The following TERF2 variants were observed in gnomAD, a reference collection of about 807,000 sequenced individuals.
The protein encoded by TERF2 is telomeric repeat binding factor 2.
In TERF2, 16 loss-of-function variants were observed where a neutral mutation model predicts 56.1. The ratio of observed to expected loss-of-function variants is 0.29; its 90% CI spans 0.19 to 0.43. The LOEUF is 0.43. Among genes scored for constraint, TERF2 ranks in the 20% least tolerant of loss-of-function variants. TERF2 has a pLI of 1.00. For missense variants in TERF2, 547 were observed against 712.9 expected, an observed-to-expected ratio of 0.77 and a Z score of 2.65; for synonymous variants, 296 against 282.1, an observed-to-expected ratio of 1.05 and a Z score of -0.50.
chr16:69,357,070 C>G lies in TERF2; in HGVS notation c.1471-14G>C, dbSNP rs2012933261. 1 of 1,600,468 alleles carries G rather than the reference C, an allele frequency of 6.2e-7. No individual in the cohort carries two copies. Reference sequence around the variant, plus strand: ...TACAGTCCACTTCTGCAAAAGAAAACCAAAAGATTTATTACCACCTTTCCT... The same window carrying G: ...TACAGTCCACTTCTGCAAAAGAAAAGCAAAAGATTTATTACCACCTTTCCT... On this transcript the variant is annotated splice_polypyrimidine_tract_variant and intron_variant, in intron 9 of 9. Transcript: ENST00000254942.
In TERF2 at chr16:69,385,846, C is replaced by A; in HGVS notation, c.126G>T (p.Thr42=). ...CGCTACTCCCGCCTCCTCCCGCCAT[C>A]GTGTCCGATCGCCGCGCGCCCTCCC... ...EGGEGARRSD[T]MAGGGGSSDG... is the part of the protein sequence containing the mutation. Residue 42 remains threonine, a synonymous_variant, in exon 1 of 10, where the codon ACG becomes ACT. Transcript: ENST00000254942. The A allele has an allele frequency of 1.1e-5, 15 of 1,364,548 alleles. No individual in the cohort carries two copies. The highest frequency in any genetic ancestry group is 1.4e-5 in the Non-Finnish European group (15 of 1,056,280). 84.5% of individuals were successfully genotyped at this position (1,364,548 alleles called of 1,614,324 possible).
chr16:69,384,151 G>C (rs1190625649), intron 3 of TERF2, among the ~76,000 whole-genome samples: 1 of 152,252 alleles, frequency 6.6e-6, no homozygotes, highest in South Asian at 2.1e-4. Flanking sequence ...CTGTTCAAAA[G>C]GGATATTCTC....
chr16:69,365,178 G>A (rs1420782416), intron 7 of TERF2: 1 of 152,212 alleles, frequency 6.6e-6, no homozygotes, highest in African/African-American at 2.4e-5. Flanking sequence ...CTGTTCCCGG[G>A]AGCAATACCT....
At chr16:69,373,307 A>C (rs2013645799) in intron 3 of TERF2, among the ~76,000 whole-genome samples, 1 of 152,170 alleles carries the variant, frequency 6.6e-6, no homozygotes, top group Admixed American at 6.5e-5. Flanking sequence ...CACAGAGAGA[A>C]AGTAGAGTCC....
intron 5 of TERF2, 127 bp from the exon 6 acceptor site, chr16:69,368,609 G>T (rs1343966001): frequency 1.3e-6 from 2 of 1,541,294 alleles, no homozygotes; most frequent in East Asian, 4.8e-5. Context: ...GGCATAAAAC[G>T]AAGGACATAA....
intron 3 of TERF2, among the ~76,000 whole-genome samples, chr16:69,372,602 A>G (rs184278760): frequency 6.6e-6 from 1 of 152,182 alleles, no homozygotes; most frequent in African/African-American, 2.4e-5. Flanking sequence ...ATCTCTACTA[A>G]AAATACAAAA....
chr16:69,374,579 T>C (rs945807381), intron 3 of TERF2, among the ~76,000 whole-genome samples: 1 of 131,094 alleles, frequency 7.6e-6, no homozygotes, highest in Admixed American at 9.1e-5. Context: ...GCTATGATCA[T>C]GCCACTGCAC....
chr16:69,378,422 C>T lies in TERF2; in HGVS notation c.607-6067G>A, dbSNP rs74027311. Among the ~76,000 whole-genome samples the T allele has an allele frequency of 6.4e-3, 971 of 152,266 alleles. 4 individuals are homozygous for T. Among genetic ancestry groups the T allele is most frequent in the African/African-American group, 0.02 (828 of 41,546 alleles). On this transcript the variant is annotated intron_variant, in intron 3 of 9. Transcript: ENST00000254942. Reference sequence around the variant, plus strand: ...GTCATTGCTAGGCAGCTGCTGCCACCAGGATAGTATTGCCTGGGGGCCAGG... The same window carrying T: ...GTCATTGCTAGGCAGCTGCTGCCACTAGGATAGTATTGCCTGGGGGCCAGG...
At chr16:69,370,203 A>C (rs1223149208) in intron 5 of TERF2, 1 of 404,468 alleles carries the variant, frequency 2.5e-6, no homozygotes, top group African/African-American at 2.0e-5. Context: ...GCTAATTTTT[A>C]TATTTTTAGT....
chr16:69,367,422 T>C (rs1310622102), intron 6 of TERF2, among the ~76,000 whole-genome samples: 4 of 152,130 alleles, frequency 2.6e-5, no homozygotes, highest in Non-Finnish European at 5.9e-5. Context: ...AGACAGTAGA[T>C]AGGACAGAGA....
Position 69,367,003 on chromosome 16 carries a change from C to A in TERF2, c.1144G>T (p.Ala382Ser), listed in dbSNP as rs561334865. 2 of 1,614,244 alleles carry A rather than the reference C, an allele frequency of 1.2e-6. No individual in the cohort carries two copies. Among genetic ancestry groups the A allele is most frequent in the African/African-American group, 1.3e-5 (1 of 75,066 alleles). Residue 382 changes from alanine (A) to serine (S), a missense_variant, in exon 7 of 10, where the codon GCC (alanine) becomes TCC (serine). Around this residue, in one of 6 missense-constraint regions of TERF2, gnomAD observed 211 missense variants for 236.8 expected, o/e 0.89. Transcript: ENST00000254942. Reference sequence around the variant, plus strand: ...GAGCCACCCTCACCGTCAGCCGGGGCTGAACTTTCGTTTTCATCTTTTCTG... The same window carrying A: ...GAGCCACCCTCACCGTCAGCCGGGGATGAACTTTCGTTTTCATCTTTTCTG... ...RPRKDENESS[A>S]PADGEGGSEL...
chr16:69,362,750 G>A (rs909432142), intron 7 of TERF2, among the ~76,000 whole-genome samples: 8 of 152,184 alleles, frequency 5.3e-5, no homozygotes, highest in African/African-American at 1.9e-4. Flanking sequence ...ACAGAGCAAA[G>A]CACAGATCTG....
In TERF2 at chr16:69,379,021, C is replaced by T. The variant is rs1853613860; in HGVS notation, c.606+5559G>A. Reference sequence around the variant, plus strand: ...CAGTTCCCAGAAGTAAGTATAGTTTCTTCTCTTACGTATTTGTTAAGGTTT... The same window carrying T: ...CAGTTCCCAGAAGTAAGTATAGTTTTTTCTCTTACGTATTTGTTAAGGTTT... On this transcript the variant is annotated intron_variant, in intron 3 of 9. Transcript: ENST00000254942. Among the ~76,000 whole-genome samples, 3 of 151,542 alleles carry T rather than the reference C, an allele frequency of 2.0e-5. No individual in the cohort carries two copies. The South Asian group carries it at 6.2e-4, about 31-fold the overall frequency.
intron 3 of TERF2, among the ~76,000 whole-genome samples, chr16:69,377,030 A>C (rs983663615): frequency 5.3e-5 from 8 of 151,582 alleles, no homozygotes; most frequent in African/African-American, 9.7e-5. Context: ...GTGAAACCCT[A>C]TCTCTACTAA....
At chr16:69,361,885 C>T (rs1050303863) in intron 7 of TERF2, among the ~76,000 whole-genome samples, 6 of 120,228 alleles carry the variant, frequency 5.0e-5, no homozygotes, top group Admixed American at 3.3e-4. Flanking sequence ...CTGATTTTTC[C>T]GTTTCCATTC....
intron 3 of TERF2, among the ~76,000 whole-genome samples, chr16:69,379,710 A>G (rs978612718): frequency 1.3e-5 from 2 of 152,330 alleles, no homozygotes; most frequent in Admixed American, 1.3e-4. Flanking sequence ...ATTCATTAGA[A>G]AATAACAATA....
At chr16:69,380,878 G>A (rs1344924911) in intron 3 of TERF2, among the ~76,000 whole-genome samples, 1 of 146,008 alleles carries the variant, frequency 6.8e-6, no homozygotes, top group African/African-American at 2.5e-5. Flanking sequence ...CTCGGCTCAC[G>A]GCAACCTCCT....
intron 3 of TERF2, among the ~76,000 whole-genome samples, chr16:69,381,094 C>T (rs985650179): frequency 2.6e-5 from 4 of 152,020 alleles, no homozygotes; most frequent in Admixed American, 1.3e-4. Flanking sequence ...CGTGAGCCAC[C>T]GCGCCCAGCC....
intron 8 of TERF2, among the ~76,000 whole-genome samples, chr16:69,358,797 C>T (rs1379904679): frequency 6.6e-6 from 1 of 152,196 alleles, no homozygotes; most frequent in East Asian, 1.9e-4. Flanking sequence ...TGGTGCAACT[C>T]CAAATAAAAG....
Sources: allele counts gnomAD v4.1 joint callset (sites outside exome capture counted in the v4.1 genomes callset), GRCh38; gene constraint gnomAD v4.1.1; regional missense constraint gnomAD v4.1.1; transcripts MANE v1.5; gene names NCBI Gene and HGNC (gene_info 2026-07-23, HGNC 2026-07-21).